SCAF8: variants seen among roughly 807,000 people sequenced by gnomAD.
SCAF8 encodes SR-related CTD associated factor 8.
Under a neutral mutation model 140.5 loss-of-function variants are expected in SCAF8, and 23 were observed. That is an observed-to-expected ratio of 0.16 (90% CI 0.12 to 0.23). The LOEUF (loss-of-function observed/expected upper bound fraction) is 0.23, where lower values mean the gene tolerates loss of function less well. SCAF8 is among the 10% of genes least tolerant of loss of function. The pLI, the probability that SCAF8 is intolerant of heterozygous loss-of-function variation, is 1.00. For synonymous variants in SCAF8, 575 were observed against 528.9 expected (o/e 1.09, Z -1.20); for missense variants, 1,397 against 1,555.7 (o/e 0.90, Z 1.72).
chr6:154,784,122 T>TAGATAG (rs1319572894), intron 3 of SCAF8, among the ~76,000 whole-genome samples: 5 of 18,688 alleles, frequency 2.7e-4, no homozygotes, highest in African/African-American at 1.4e-3. Flanking sequence ...TGTCTTGAGA[T>TAGATAG]ATATATATAT....
At chr6:154,813,306 CTTGAGGCCAGGAAT>C (rs1778150783) in intron 12 of SCAF8, among the ~76,000 whole-genome samples, 1 of 152,022 alleles carries the variant, frequency 6.6e-6, no homozygotes, top group Admixed American at 6.5e-5. Context: ...GGGAGGATTG[CTTGAGGCCAGGAAT>C]TTGAGACCAG....
intron 1 of SCAF8, among the ~76,000 whole-genome samples, chr6:154,742,248 CATATAT>C (rs1050850615): frequency 2.6e-5 from 4 of 151,986 alleles, no homozygotes. Flanking sequence ...GAGCATAAAT[CATATAT>C]ATATAAACTT....
At chr6:154,808,868 G>T (rs1177237710) in intron 11 of SCAF8, 70 bp downstream of exon 11, 1 of 1,032,702 alleles carries the variant, frequency 9.7e-7, no homozygotes, top group Non-Finnish European at 1.5e-6. Context: ...TTTGCATCAG[G>T]ATGAAAGGAA....
At chr6:154,754,942 A>G (rs929289372) in intron 1 of SCAF8, among the ~76,000 whole-genome samples, 3 of 152,160 alleles carry the variant, frequency 2.0e-5, no homozygotes, top group African/African-American at 7.2e-5. Context: ...TTCCTCCACA[A>G]ACTTACTTTT....
rs755398489 is a variant in SCAF8 at position 154,803,649 on chromosome 6, A to G, written c.863+26A>G. The G allele has an allele frequency of 2.5e-5, 36 of 1,437,734 alleles. No homozygotes were observed. The Admixed American group carries it at 5.9e-4, about 24-fold the overall frequency. The allele number at this position is 1,437,734 out of a possible 1,614,324, so 89.1% of individuals were successfully genotyped here. A position where few individuals can be genotyped will look rare whatever the true frequency, so the allele number is the denominator to read the frequency against. Reference sequence around the variant, plus strand: ...GTAAGAATTTTTTCTTTATAGCCATAGTTTTTTTATATTTAGTGGGATGTT... The same window carrying G: ...GTAAGAATTTTTTCTTTATAGCCATGGTTTTTTTATATTTAGTGGGATGTT... On this transcript the variant is annotated intron_variant, in intron 8 of 19. Coordinates refer to ENST00000367178, the MANE Select transcript of SCAF8 (RefSeq NM_014892.5).
intron 1 of SCAF8, among the ~76,000 whole-genome samples, chr6:154,771,636 G>A (rs1776770818): frequency 6.6e-6 from 1 of 152,146 alleles, no homozygotes; most frequent in African/African-American, 2.4e-5. Flanking sequence ...GTGAATTAAT[G>A]CAGGAACAGA....
chr6:154,802,253 C>T (rs1777793953), intron 7 of SCAF8, 106 bp downstream of exon 7: 1 of 634,590 alleles, frequency 1.6e-6, no homozygotes, highest in South Asian at 3.4e-5. Context: ...TTCAGTATCT[C>T]CTGTACACTG....
chr6:154,757,591 T>C (rs1778998683), intron 1 of SCAF8, among the ~76,000 whole-genome samples: 1 of 152,218 alleles, frequency 6.6e-6, no homozygotes, highest in Non-Finnish European at 1.5e-5. Context: ...ATACCTAATA[T>C]GTAACACATT....
At chr6:154,817,078 A>C (rs1778273074) in intron 13 of SCAF8, among the ~76,000 whole-genome samples, 1 of 152,174 alleles carries the variant, frequency 6.6e-6, no homozygotes, top group Non-Finnish European at 1.5e-5. Context: ...CAGAGTCTAT[A>C]ATCATATACT....
chr6:154,810,282 C>T (rs1275879891), intron 12 of SCAF8, 74 bp downstream of exon 12: 1 of 1,112,892 alleles, frequency 9.0e-7, no homozygotes, highest in African/African-American at 1.6e-5. Context: ...CAAAGTCTCT[C>T]AGCCAAATTT....
At chr6:154,774,193 G>T in intron 2 of SCAF8, 121 bp downstream of exon 2, 1 of 690,016 alleles carries the variant, frequency 1.4e-6, no homozygotes, top group South Asian at 2.0e-5. Flanking sequence ...AACACATATT[G>T]TGGAAAAACA....
chr6:154,825,984 A>T, intron 17 of SCAF8, among the ~76,000 whole-genome samples: 1 of 152,210 alleles, frequency 6.6e-6, no homozygotes, highest in East Asian at 1.9e-4. Flanking sequence ...ATTTGAATTC[A>T]TGAATTATTT....
At position 154,756,727 on chromosome 6, in the gene SCAF8, A is replaced by G. The variant is rs370373757; in HGVS notation, c.31-17262A>G. The stretch of plus-strand genomic sequence containing the variant: ...ATTTCAGAGTGAAACATTCTGTTGC[A>G]TTGAAATACGTTCTTTAAGCTGGGC... On this transcript the variant is annotated intron_variant, in intron 1 of 19. Coordinates refer to ENST00000367178, the MANE Select transcript of SCAF8 (RefSeq NM_014892.5). Among the ~76,000 whole-genome samples, 5 of 152,296 alleles carry G rather than the reference A, an allele frequency of 3.3e-5. No individual in the cohort carries two copies. The East Asian group carries it at 9.7e-4, about 29-fold the overall frequency.
intron 5 of SCAF8, among the ~76,000 whole-genome samples, chr6:154,793,815 CAAAAAAAA>C (rs59257286): frequency 1.4e-5 from 1 of 69,316 alleles, no homozygotes; most frequent in African/African-American, 5.7e-5. Context: ...AACTCTGTCT[CAAAAAAAA>C]AAAAAAAAAA....
At chr6:154,807,242 G>C (rs1777946659) in intron 9 of SCAF8, among the ~76,000 whole-genome samples, 1 of 152,158 alleles carries the variant, frequency 6.6e-6, no homozygotes, top group Non-Finnish European at 1.5e-5. Flanking sequence ...ACCAAAAAGA[G>C]AGAACTCTGG....
intron 15 of SCAF8, chr6:154,822,033 T>C (rs1282576047): frequency 2.8e-6 from 1 of 355,326 alleles, no homozygotes; most frequent in Non-Finnish European, 5.1e-6. Context: ...TCTAAGTGTT[T>C]TCTTTAGATG....
chr6:154,737,523 A>G (rs762347569), intron 1 of SCAF8, among the ~76,000 whole-genome samples: 21 of 152,010 alleles, frequency 1.4e-4, no homozygotes, highest in Non-Finnish European at 1.3e-4. Context: ...CAAAACAACA[A>G]CAACAACACA....
intron 1 of SCAF8, among the ~76,000 whole-genome samples, chr6:154,740,766 G>A (rs1307353629): frequency 1.3e-5 from 2 of 151,764 alleles, no homozygotes; most frequent in South Asian, 4.2e-4. Flanking sequence ...CCACAGGCAC[G>A]CACCTCCATG....
Position 154,733,765 on chromosome 6 carries a change from C to G in SCAF8, c.-136C>G. 7.3e-7 allele frequency: 1 copy of G among 1,363,214 alleles called. No homozygotes were observed. The highest frequency in any genetic ancestry group is 9.4e-7 in the Non-Finnish European group (1 of 1,062,600). The allele number at this position is 1,363,214 out of a possible 1,614,324, so 84.4% of individuals were successfully genotyped here. A position where few individuals can be genotyped will look rare whatever the true frequency, so the allele number is the denominator to read the frequency against. On this transcript the variant is annotated 5_prime_UTR_variant, in exon 1 of 20. Transcript: ENST00000367178. ...CAGCGCGTGCCCTTCCACTCCGCCCCGAGGTCGCAGCGGCCCGCTCTCCCG... is the reference window on the plus strand; with the variant it reads ...CAGCGCGTGCCCTTCCACTCCGCCCGGAGGTCGCAGCGGCCCGCTCTCCCG...
Sources: allele counts gnomAD v4.1 joint callset (sites outside exome capture counted in the v4.1 genomes callset), GRCh38; gene constraint gnomAD v4.1.1; transcripts MANE v1.5; gene names NCBI Gene and HGNC (gene_info 2026-07-23, HGNC 2026-07-21).